The following DST variants were observed in gnomAD, a reference collection of about 807,000 sequenced individuals.
DST encodes bullous pemphigoid antigen.
DST carries 253 observed loss-of-function variants against 875.2 expected under a neutral mutation model. The observed-to-expected ratio is 0.29, with a 90% CI of 0.26 to 0.32. The LOEUF is 0.32. DST is among the 10% of genes least tolerant of loss of function. The pLI, the probability that DST is intolerant of heterozygous loss-of-function variation, is 1.00. For synonymous variants in DST, 3,124 were observed against 3,197.1 expected (o/e 0.98, Z 0.77); for missense variants, 8,287 against 9,111.6 (o/e 0.91, Z 3.68).
chr6:56,584,136 ATTG>A (rs2098089601), intron 49 of DST, among the ~76,000 whole-genome samples: 1 of 152,070 alleles, frequency 6.6e-6, no homozygotes, highest in Non-Finnish European at 1.5e-5. Flanking sequence ...GAAGAAAGTC[ATTG>A]GTAGCTTGAT....
At chr6:56,874,265 G>A (rs374044259) in intron 3 of DST, among the ~76,000 whole-genome samples, 3 of 152,088 alleles carry the variant, frequency 2.0e-5, no homozygotes, top group Non-Finnish European at 4.4e-5. Context: ...CTTGAGCCCC[G>A]GAGTTCAAGG....
At chr6:56,904,075 G>C (rs1349509318) in intron 2 of DST, among the ~76,000 whole-genome samples, 1 of 152,158 alleles carries the variant, frequency 6.6e-6, no homozygotes, top group East Asian at 1.9e-4. Context: ...AGTAATGGAG[G>C]TAAAGTACTT....
chr6:56,778,479 C>A (rs1454892452), intron 4 of DST, among the ~76,000 whole-genome samples: 4 of 150,678 alleles, frequency 2.7e-5, no homozygotes, highest in African/African-American at 9.8e-5. Flanking sequence ...GTATGCTGCA[C>A]CCAGTAACTC....
chr6:56,748,789 T>C (rs1017302247), intron 4 of DST, among the ~76,000 whole-genome samples: 1 of 152,150 alleles, frequency 6.6e-6, no homozygotes, highest in Non-Finnish European at 1.5e-5. Flanking sequence ...GCCCGGATAT[T>C]CTAATACCTT....
chr6:56,618,513 C>G, intron 36 of DST: 1 of 1,614,200 alleles, frequency 6.2e-7, no homozygotes, highest in Non-Finnish European at 8.5e-7. Flanking sequence ...TTTTCAACCT[C>G]ACGCTTCTGG....
chr6:56,488,341 G>A (rs967114682), intron 86 of DST, among the ~76,000 whole-genome samples: 5 of 152,082 alleles, frequency 3.3e-5, no homozygotes. Context: ...AAGACTACAC[G>A]ATACAACATC....
chr6:56,463,449 T>C, intron 101 of DST, 116 bp downstream of exon 101: 1 of 1,012,656 alleles, frequency 9.9e-7, no homozygotes, highest in Non-Finnish European at 1.4e-6. Context: ...TATGAGAAGG[T>C]GCACAAATGG....
chr6:56,656,868 T>C (rs920605953), intron 10 of DST, among the ~76,000 whole-genome samples: 1 of 152,212 alleles, frequency 6.6e-6, no homozygotes, highest in African/African-American at 2.4e-5. Flanking sequence ...TATATGTATG[T>C]GTGTGTATTG....
intron 4 of DST, among the ~76,000 whole-genome samples, chr6:56,807,899 AT>A (rs888690073): frequency 1.3e-5 from 2 of 152,200 alleles, no homozygotes; most frequent in Non-Finnish European, 2.9e-5. Flanking sequence ...CCCAATAAAA[AT>A]TTTTTGCTGG....
intron 5 of DST, among the ~76,000 whole-genome samples, chr6:56,705,745 T>A (rs2152884934): frequency 6.6e-6 from 1 of 152,304 alleles, no homozygotes; most frequent in East Asian, 1.9e-4. Context: ...ACAAATAATA[T>A]AAATACTAAG....
intron 3 of DST, among the ~76,000 whole-genome samples, chr6:56,888,511 A>G (rs1785731928): frequency 6.6e-6 from 1 of 152,182 alleles, no homozygotes; most frequent in South Asian, 2.1e-4. Flanking sequence ...TATGCCTTCC[A>G]CAAAAGGGGA....
intron 4 of DST, among the ~76,000 whole-genome samples, chr6:56,772,859 T>A (rs2099670089): frequency 6.6e-6 from 1 of 152,184 alleles, no homozygotes; most frequent in Admixed American, 6.5e-5. Flanking sequence ...AGGGTTGTCA[T>A]TGTGACCAAC....
At chr6:56,645,561 GC>G (rs2098937548) in intron 15 of DST, among the ~76,000 whole-genome samples, 1 of 152,082 alleles carries the variant, frequency 6.6e-6, no homozygotes, top group African/African-American at 2.4e-5. Flanking sequence ...TTAGATCCAG[GC>G]CCTGGTGACT....
At chr6:56,939,260 C>A (rs1478871040) in intron 2 of DST, among the ~76,000 whole-genome samples, 1 of 152,184 alleles carries the variant, frequency 6.6e-6, no homozygotes, top group African/African-American at 2.4e-5. Flanking sequence ...AGTGAGCAGA[C>A]TGCCAAGTGA....
intron 4 of DST, among the ~76,000 whole-genome samples, chr6:56,809,797 A>G (rs2099757675): frequency 6.6e-6 from 1 of 152,242 alleles, no homozygotes; most frequent in Admixed American, 6.5e-5. Context: ...ATTTTCAATC[A>G]CAAGGGTATA....
In DST at chr6:56,526,477, C is replaced by T. The variant is rs975793341; in HGVS notation, c.18013G>A (p.Ala6005Thr). ...ACCATTTTCTCAAGTCCTTCTCTTG[C>T]CCTCCATGGTACCAGTTCCAGCAAA... ...SALLELVPWR[A>T]REGLEKMVAE... Residue 6005 changes from alanine (A) to threonine (T), a missense_variant, in exon 69 of 104, where the codon GCA (alanine) becomes ACA (threonine). This residue lies in a region of DST where 777 missense variants were observed against 764.8 expected (regional missense o/e 1.02). Coordinates refer to ENST00000680361, the MANE Select transcript of DST (RefSeq NM_001374736.1). 6.2e-7 allele frequency: 1 copy of T among 1,613,876 alleles called. No individual in the cohort carries two copies. Among genetic ancestry groups the T allele is most frequent in the Non-Finnish European group, 8.5e-7 (1 of 1,179,814 alleles).
chr6:56,701,034 C>G (rs2099301544), intron 8 of DST, among the ~76,000 whole-genome samples: 1 of 141,674 alleles, frequency 7.1e-6, no homozygotes, highest in African/African-American at 2.7e-5. Context: ...GGCTGGAGTG[C>G]AATATTGCAA....
intron 5 of DST, among the ~76,000 whole-genome samples, chr6:56,721,863 T>C (rs149964973): frequency 2.0e-4 from 30 of 152,312 alleles, no homozygotes; most frequent in African/African-American, 6.5e-4. Flanking sequence ...CCCTTAAATA[T>C]ATACAAAACC....
At chr6:56,847,116 G>A (rs773864657) in intron 4 of DST, among the ~76,000 whole-genome samples, 1 of 151,462 alleles carries the variant, frequency 6.6e-6, no homozygotes, top group Non-Finnish European at 1.5e-5. Flanking sequence ...CCAGGAGTTC[G>A]AGTCCAGCCT....
Sources: gnomAD v4.1 joint callset for allele counts (sites outside exome capture counted in the v4.1 genomes callset) on GRCh38, gnomAD v4.1.1 for gene constraint, gnomAD v4.1.1 regional missense constraint, MANE v1.5 for transcripts, NCBI Gene and HGNC (gene_info 2026-07-23, HGNC 2026-07-21) for gene names.